Variants in NLGN1 observed in about 807,000 individuals in gnomAD.
NLGN1 encodes the protein neuroligin 1, also known as neuroligin-1.
NLGN1 carries 12 observed loss-of-function variants against 65.5 expected under a neutral mutation model. That is an observed-to-expected ratio of 0.18 (90% CI 0.12 to 0.30). The LOEUF is 0.30. NLGN1 is among the 10% of genes least tolerant of loss of function. The probability of loss-of-function intolerance (pLI) is 1.00; values close to 1 mark genes in which losing one functional copy is unlikely to be tolerated. For missense variants in NLGN1, 750 were observed against 1,007.1 expected, an observed-to-expected ratio of 0.74 and a Z score of 3.46; for synonymous variants, 350 against 359.5, an observed-to-expected ratio of 0.97 and a Z score of 0.30.
chr3:173,624,746 A>G (rs1279999942), intron 3 of NLGN1, among the ~76,000 whole-genome samples: 1 of 152,172 alleles, frequency 6.6e-6, no homozygotes, highest in Non-Finnish European at 1.5e-5. Context: ...TAATTCTAAT[A>G]GAAGGTAAAT....
At chr3:173,963,078 T>G (rs190515336) in intron 4 of NLGN1, among the ~76,000 whole-genome samples, 1 of 152,272 alleles carries the variant, frequency 6.6e-6, no homozygotes, top group Non-Finnish European at 1.5e-5. Flanking sequence ...CTACCATTTA[T>G]TACACTCTTG....
chr3:173,990,556 G>T (rs1215132176), intron 4 of NLGN1, among the ~76,000 whole-genome samples: 2 of 151,890 alleles, frequency 1.3e-5, no homozygotes, highest in Admixed American at 1.3e-4. Flanking sequence ...TTTTTCAGAG[G>T]GTCTTAATCT....
chr3:173,416,476 T>G (rs1375577509), intron 1 of NLGN1, among the ~76,000 whole-genome samples: 1 of 152,218 alleles, frequency 6.6e-6, no homozygotes, highest in Non-Finnish European at 1.5e-5. Context: ...CCCATGAATT[T>G]CACTGTGTGA....
exon 7 of NLGN1, chr3:174,285,618 G>A (rs1752023784): frequency 6.6e-6 from 1 of 151,332 alleles, no homozygotes; most frequent in Non-Finnish European, 1.5e-5. Flanking sequence ...AACATTTGGT[G>A]GCCAACTTGA....
chr3:173,854,575 T>C (rs1578804417), intron 4 of NLGN1, among the ~76,000 whole-genome samples: 1 of 152,184 alleles, frequency 6.6e-6, no homozygotes, highest in East Asian at 1.9e-4. Context: ...TTAAAAAAAA[T>C]CAATGTTTGC....
At chr3:173,469,383 C>G (rs770113931) in intron 2 of NLGN1, among the ~76,000 whole-genome samples, 1 of 152,060 alleles carries the variant, frequency 6.6e-6, no homozygotes, top group Non-Finnish European at 1.5e-5. Flanking sequence ...TCTCCTACTC[C>G]AAGTTACACT....
intron 4 of NLGN1, among the ~76,000 whole-genome samples, chr3:173,950,795 T>C (rs1463999642): frequency 6.9e-6 from 1 of 144,892 alleles, no homozygotes; most frequent in Admixed American, 6.9e-5. Context: ...GGCGACAGAG[T>C]AAGACTTCGT....
chr3:173,930,073 A>G (rs759285463), intron 4 of NLGN1, among the ~76,000 whole-genome samples: 28 of 152,204 alleles, frequency 1.8e-4, no homozygotes, highest in Non-Finnish European at 4.0e-4. Flanking sequence ...AAACAAAAAC[A>G]AAACAAAAAA....
intron 4 of NLGN1, among the ~76,000 whole-genome samples, chr3:173,878,114 T>A (rs1238391333): frequency 1.3e-5 from 2 of 152,140 alleles, no homozygotes; most frequent in African/African-American, 4.8e-5. Flanking sequence ...CAATCTCAGC[T>A]CACTGCAACC....
Position 173,490,620 on chromosome 3 carries a change from G to A in NLGN1, c.-321+55542G>A, listed in dbSNP as rs143731105. 9.0e-3 allele frequency among the ~76,000 whole-genome samples: 1,376 copies of A among 152,074 alleles called. 26 individuals are homozygous for A. The highest frequency in any genetic ancestry group is 0.032 in the African/African-American group (1,325 of 41,498). ...ATGAACTTTAAAGTAGCTTTTTCCA[G>A]TTCTGTGAAGAAAGTCATTAGTAGC... On this transcript the variant is annotated intron_variant, in intron 2 of 6. Transcript: ENST00000457714.
intron 3 of NLGN1, among the ~76,000 whole-genome samples, chr3:173,737,849 A>T (rs1434317890): frequency 6.6e-6 from 1 of 152,056 alleles, no homozygotes; most frequent in Non-Finnish European, 1.5e-5. Flanking sequence ...TCCAAAGTGG[A>T]TGCATCATTT....
chr3:173,699,208 G>T (rs766990794), intron 3 of NLGN1, among the ~76,000 whole-genome samples: 2 of 151,942 alleles, frequency 1.3e-5, no homozygotes, highest in Non-Finnish European at 2.9e-5. Flanking sequence ...CTCAATCATG[G>T]CAAAACCAGT....
At chr3:174,079,168 C>A (rs1032941536) in intron 4 of NLGN1, among the ~76,000 whole-genome samples, 4 of 150,936 alleles carry the variant, frequency 2.7e-5, no homozygotes, top group African/African-American at 9.8e-5. Flanking sequence ...CCAGCATCTA[C>A]AAGACACTGA....
At chr3:173,818,647 T>C (rs983817294) in intron 4 of NLGN1, among the ~76,000 whole-genome samples, 7 of 152,100 alleles carry the variant, frequency 4.6e-5, no homozygotes, top group African/African-American at 1.4e-4. Context: ...AGCCCTTAGG[T>C]AGATATTTGA....
chr3:174,150,020 C>G (rs1242985832), intron 4 of NLGN1, among the ~76,000 whole-genome samples: 1 of 152,084 alleles, frequency 6.6e-6, no homozygotes, highest in Non-Finnish European at 1.5e-5. Flanking sequence ...CTACTTTTCC[C>G]TGAAAGAATC....
At chr3:173,532,413 C>T (rs73045416) in intron 2 of NLGN1, among the ~76,000 whole-genome samples, 4,473 of 152,216 alleles carry the variant, frequency 0.029, 205 homozygotes, top group African/African-American at 0.098. Flanking sequence ...TCTATGCCTT[C>T]TTTATTTTGC....
intron 4 of NLGN1, among the ~76,000 whole-genome samples, chr3:174,261,085 T>C (rs1355559134): frequency 6.6e-6 from 1 of 152,230 alleles, no homozygotes; most frequent in Non-Finnish European, 1.5e-5. Flanking sequence ...TTCGTTACTG[T>C]AGCCTTGTAG....
intron 2 of NLGN1, among the ~76,000 whole-genome samples, chr3:173,589,727 T>C (rs1029369285): frequency 6.6e-6 from 1 of 152,198 alleles, no homozygotes; most frequent in African/African-American, 2.4e-5. Context: ...AACATCCAAT[T>C]GATATACTGT....
intron 4 of NLGN1, among the ~76,000 whole-genome samples, chr3:173,982,832 G>T (rs142719817): frequency 5.5e-4 from 84 of 152,234 alleles, no homozygotes; most frequent in African/African-American, 2.0e-3. Flanking sequence ...TTAGGGTCTT[G>T]TGTTACATTG....
Sources: gnomAD v4.1 joint callset for allele counts (sites outside exome capture counted in the v4.1 genomes callset) on GRCh38, gnomAD v4.1.1 for gene constraint, MANE v1.5 for transcripts, NCBI Gene and HGNC (gene_info 2026-07-23, HGNC 2026-07-21) for gene names.